The following FAM20B variants were observed in gnomAD, a reference collection of about 807,000 sequenced individuals.
FAM20B encodes glycosaminoglycan xylosylkinase.
FAM20B carries 23 observed loss-of-function variants against 43.8 expected under a neutral mutation model. The observed-to-expected ratio is 0.53, with a 90% CI of 0.38 to 0.74. The LOEUF (loss-of-function observed/expected upper bound fraction) is 0.74. FAM20B is among the 30% of genes least tolerant of loss of function. The pLI is 0.00. For synonymous variants in FAM20B, 178 were observed against 192.4 expected, an observed-to-expected ratio of 0.93 and a Z score of 0.62; for missense variants, 440 against 510.5, an observed-to-expected ratio of 0.86 and a Z score of 1.33.
intron 7 of FAM20B, among the ~76,000 whole-genome samples, chr1:179,068,339 T>G (rs1651774661): frequency 6.6e-6 from 1 of 152,222 alleles, no homozygotes; most frequent in African/African-American, 2.4e-5. Context: ...AATTGTGTGT[T>G]TGTCTTTGAA....
Position 179,075,635 on chromosome 1 carries a change from A to C in FAM20B, c.*3491A>C, listed in dbSNP as rs1652099184. 3.3e-5 allele frequency: 5 copies of C among 152,710 alleles called. No individual in the cohort carries two copies. In the South Asian group the frequency reaches 1.0e-3, roughly 32 times the overall value. The allele number at this position is 152,710 out of a possible 1,614,324, so 9.5% of individuals were successfully genotyped here. On this transcript the variant is annotated 3_prime_UTR_variant, in exon 8 of 8. Transcript: ENST00000263733. The stretch of plus-strand genomic sequence containing the variant: ...GCACTCAGGGTTAATATGTCAAATG[A>C]AATTTAAGAAGGAAATGGAAGAATT...
chr1:179,050,565 T>C (rs764686460), intron 3 of FAM20B, among the ~76,000 whole-genome samples, 200 bp downstream of exon 3: 10 of 152,264 alleles, frequency 6.6e-5, no homozygotes, highest in Admixed American at 3.9e-4. Flanking sequence ...AGTATTTTAC[T>C]TCCATGCTTC....
chr1:179,020,476 C>T, the FAM20B span, among the ~76,000 whole-genome samples: 1 of 152,162 alleles, frequency 6.6e-6, no homozygotes, highest in South Asian at 2.1e-4. Flanking sequence ...TGGCTGGCTT[C>T]CTACAGAAGG....
intron 4 of FAM20B, among the ~76,000 whole-genome samples, chr1:179,061,076 ATTTT>A (rs67897742): frequency 1.6e-5 from 2 of 126,286 alleles, no homozygotes; most frequent in Non-Finnish European, 1.6e-5. Flanking sequence ...TCTTTGTCGA[ATTTT>A]TTTTTTTTTT....
chr1:179,062,535 A>G (rs1019754058), intron 4 of FAM20B, among the ~76,000 whole-genome samples: 2 of 152,068 alleles, frequency 1.3e-5, no homozygotes, highest in African/African-American at 4.8e-5. Context: ...CTGTAGTCCC[A>G]GCTACTCGGG....
rs1054682683 is a variant in FAM20B at position 179,076,204 on chromosome 1, C to T, written c.*4060C>T. On this transcript the variant is annotated 3_prime_UTR_variant, in exon 8 of 8. Transcript: ENST00000263733. ...CAGGCACATCTGGCCTTGGGAAACT[C>T]ATCCTACAGGGGAAGGCCAGTTTTT... 1 of 152,154 alleles carries T rather than the reference C, an allele frequency of 6.6e-6. No individual in the cohort carries two copies. The highest frequency in any genetic ancestry group is 2.4e-5 in the African/African-American group (1 of 41,426). The allele number at this position is 152,154 out of a possible 1,614,324, so 9.4% of individuals were successfully genotyped here.
rs375024711 is a variant in FAM20B at position 179,054,607 on chromosome 1, A to C, written c.543A>C (p.Thr181=). The C allele has an allele frequency of 6.2e-6, 10 of 1,612,550 alleles. No individual in the cohort carries two copies. The Admixed American group carries it at 1.7e-4, about 27-fold the overall frequency. The change falls in exon 4 of 8, where the codon ACA becomes ACC. Residue 181 remains threonine (T), a synonymous_variant. Transcript: ENST00000263733. ...GGACAGAGATCAAACCTGTCGCCACAGAGCAGCTGTTGAGCACCTTCCTAA... is the reference window on the plus strand; with the variant it reads ...GGACAGAGATCAAACCTGTCGCCACCGAGCAGCTGTTGAGCACCTTCCTAA... ...NLRTEIKPVA[T]EQLLSTFLTV...
At chr1:179,052,573 G>C (rs1651049902) in intron 3 of FAM20B, among the ~76,000 whole-genome samples, 1 of 152,070 alleles carries the variant, frequency 6.6e-6, no homozygotes. Flanking sequence ...GACATTTCTA[G>C]GAACTACCCT....
chr1:179,025,363 C>G (rs1649709087), upstream of FAM20B, among the ~76,000 whole-genome samples: 1 of 152,166 alleles, frequency 6.6e-6, no homozygotes, highest in African/African-American at 2.4e-5. Flanking sequence ...GAATGAAGAG[C>G]CATTTGCACT....
At chr1:179,058,641 A>G (rs1651326653) in intron 4 of FAM20B, among the ~76,000 whole-genome samples, 1 of 152,206 alleles carries the variant, frequency 6.6e-6, no homozygotes, top group African/African-American at 2.4e-5. Flanking sequence ...AAAGCCATTA[A>G]AAGAGTTTGA....
chr1:179,045,347 T>C (rs1650718237), intron 2 of FAM20B, among the ~76,000 whole-genome samples: 1 of 152,236 alleles, frequency 6.6e-6, no homozygotes, highest in Admixed American at 6.5e-5. Flanking sequence ...TAAACATTTT[T>C]TTCATTCCTC....
chr1:179,044,278 G>A lies in FAM20B; in HGVS notation c.377+54G>A, dbSNP rs1036202759. ...GCTAGTTGGTTGATTCATTTAACTT[G>A]GGATTTATATAAGATTTATTTTGTC... On this transcript the variant is annotated intron_variant, in intron 2 of 7. Transcript: ENST00000263733. 2.6e-6 allele frequency: 4 copies of A among 1,528,870 alleles called. No homozygotes were observed. In the African/African-American group the frequency reaches 4.2e-5, roughly 16 times the overall value. The allele number at this position is 1,528,870 out of a possible 1,614,324, so 94.7% of individuals were successfully genotyped here.
At chr1:179,060,385 C>T (rs752475366) in intron 4 of FAM20B, among the ~76,000 whole-genome samples, 1 of 151,874 alleles carries the variant, frequency 6.6e-6, no homozygotes, top group African/African-American at 2.4e-5. Flanking sequence ...CCCTGGGCTG[C>T]GGAATAGTAC....
chr1:179,035,626 A>G, intron 1 of FAM20B: 2 of 459,700 alleles, frequency 4.4e-6, no homozygotes, highest in South Asian at 4.7e-5. Flanking sequence ...TTTTGACATG[A>G]CTTTTGTTCC....
intron 2 of FAM20B, among the ~76,000 whole-genome samples, chr1:179,046,036 T>G (rs919445289): frequency 4.6e-5 from 7 of 152,220 alleles, no homozygotes; most frequent in African/African-American, 1.7e-4. Flanking sequence ...AGGTTTAACC[T>G]TTTTGGACAA....
At chr1:179,026,928 G>C (rs960870207) in intron 1 of FAM20B, among the ~76,000 whole-genome samples, 4 of 152,240 alleles carry the variant, frequency 2.6e-5, no homozygotes, top group African/African-American at 9.6e-5. Context: ...TGGAGGGAAA[G>C]TAGGGGTAAC....
At chr1:179,068,613 T>C (rs1335589718) in intron 7 of FAM20B, among the ~76,000 whole-genome samples, 2 of 152,130 alleles carry the variant, frequency 1.3e-5, no homozygotes, top group Non-Finnish European at 2.9e-5. Context: ...TTTTTGTATT[T>C]TTAGTAGAGA....
intron 1 of FAM20B, among the ~76,000 whole-genome samples, chr1:179,028,463 T>C (rs963907083): frequency 5.3e-5 from 8 of 152,168 alleles, no homozygotes; most frequent in Non-Finnish European, 1.0e-4. Flanking sequence ...ACGCCTGTAG[T>C]CCCAGCTACT....
chr1:179,023,958 G>C (rs556949583), upstream of FAM20B, among the ~76,000 whole-genome samples: 1 of 152,182 alleles, frequency 6.6e-6, no homozygotes, highest in Non-Finnish European at 1.5e-5. Flanking sequence ...CAGGCGGAGG[G>C]GGCAGAAACT....
Sources: gnomAD v4.1 joint callset for allele counts (sites outside exome capture counted in the v4.1 genomes callset) on GRCh38, gnomAD v4.1.1 for gene constraint, MANE v1.5 for transcripts, NCBI Gene and HGNC (gene_info 2026-07-23, HGNC 2026-07-21) for gene names.